Variants in KRT79 observed in about 807,000 individuals in gnomAD.
KRT79 encodes the protein keratin 79.
Under a neutral mutation model 49.0 loss-of-function variants are expected in KRT79, and 51 were observed. That is an observed-to-expected ratio of 1.04 (90% confidence interval 0.83 to 1.31). The LOEUF (loss-of-function observed/expected upper bound fraction) is 1.31, where lower values mean the gene tolerates loss of function less well. Ranked by LOEUF, KRT79 falls within the 40% of genes most tolerant of loss-of-function variation. The pLI is 0.00. For missense variants in KRT79, 728 were observed against 688.0 expected, an observed-to-expected ratio of 1.06 and a Z score of -0.65; for synonymous variants, 312 against 286.6, an observed-to-expected ratio of 1.09 and a Z score of -0.90.
Position 52,821,650 on chromosome 12 carries a change from A to T in KRT79, c.*222T>A. The T allele has an allele frequency of 1.8e-6, 1 of 559,166 alleles. No homozygotes were observed. The highest frequency in any genetic ancestry group is 3.2e-6 in the Non-Finnish European group (1 of 311,202). The allele number at this position is 559,166 out of a possible 1,614,324, so 34.6% of individuals were successfully genotyped here. A position where few individuals can be genotyped will look rare whatever the true frequency, so the allele number is the denominator to read the frequency against. ...CCCAAGTCACCCAAGCACATCACTC[A>T]AGCTGGCAACTTTAACCTTCCCTCC... On this transcript the variant is annotated 3_prime_UTR_variant, in exon 9 of 9. Transcript: ENST00000330553.
intron 6 of KRT79, among the ~76,000 whole-genome samples, chr12:52,823,560 C>G (rs746181170): frequency 6.6e-6 from 1 of 152,176 alleles, no homozygotes; most frequent in Non-Finnish European, 1.5e-5. Context: ...ACTTTTTAGC[C>G]GTTCTAAAGG....
chr12:52,831,346 G>A lies in KRT79; in HGVS notation c.698+60C>T, dbSNP rs1269288236. On this transcript the variant is annotated intron_variant, in intron 2 of 8. Coordinates refer to ENST00000330553, the MANE Select transcript of KRT79 (RefSeq NM_175834.3). ...CCCTGGGAATGGGGTGGCCCTCTTG[G>A]CAGGTTTCCCACTGCCCCTCCTCAC... 2.6e-6 allele frequency: 4 copies of A among 1,519,352 alleles called. No individual in the cohort carries two copies. The Admixed American group carries it at 5.0e-5, about 19-fold the overall frequency. 94.1% of individuals were successfully genotyped at this position (1,519,352 alleles called of 1,614,324 possible).
chr12:52,831,385 C>T lies in KRT79; in HGVS notation c.698+21G>A, dbSNP rs754267898. ...GCCCCTCCTCACTCCCACATGGCCC[C>T]GCCTGGCCTGCTCTCCTCACTTGTT... On this transcript the variant is annotated intron_variant, in intron 2 of 8. Coordinates refer to ENST00000330553, the MANE Select transcript of KRT79 (RefSeq NM_175834.3). 194 of 1,611,364 alleles carry T rather than the reference C, an allele frequency of 1.2e-4. 1 individual carries two copies. The highest frequency in any genetic ancestry group is 4.9e-4 in the Middle Eastern group (3 of 6,068).
chr12:52,822,902 G>A, intron 7 of KRT79, 114 bp downstream of exon 7: 1 of 1,037,734 alleles, frequency 9.6e-7, no homozygotes, highest in Non-Finnish European at 1.4e-6. Context: ...GCGTGAGTCA[G>A]GATCTTGCTC....
At chr12:52,832,098 C>T (rs1940264625) in intron 1 of KRT79, among the ~76,000 whole-genome samples, 1 of 152,092 alleles carries the variant, frequency 6.6e-6, no homozygotes, top group Admixed American at 6.6e-5. Flanking sequence ...GCAAGACTGT[C>T]TCCACTAAAA....
Position 52,833,817 on chromosome 12 carries a change from G to T in KRT79, c.444C>A (p.Thr148=), listed in dbSNP as rs1472734317. The change falls in exon 1 of 9, where the codon ACC becomes ACA. Residue 148 remains threonine, a synonymous_variant. Coordinates refer to ENST00000330553, the MANE Select transcript of KRT79 (RefSeq NM_175834.3). ...TGAAGGAGGCGAACTTGTTGTTGAG[G>T]GTCTTGATCTGCTCCCGCTCCTGAG... ...VRTQEREQIK[T]LNNKFASFID... 1.2e-6 allele frequency: 2 copies of T among 1,613,756 alleles called. No individual in the cohort carries two copies. The highest frequency in any genetic ancestry group is 1.7e-6 in the Non-Finnish European group (2 of 1,179,988).
Position 52,823,197 on chromosome 12 carries a change from G to A in KRT79, c.1186C>T (p.Arg396Cys), listed in dbSNP as rs777338487. ...GCATCCTTGAGTGCCAGCTCCCCAC[G>A]CTGCTCCGCTTCCGCAATGGCCGTC... ...LQTAIAEAEQ[R>C]GELALKDAQK... The change falls in exon 7 of 9, where the codon CGT becomes TGT. Residue 396 changes from arginine to cysteine, a missense_variant. By Grantham distance (180) the Arg-to-Cys change is radical. Coordinates refer to ENST00000330553, the MANE Select transcript of KRT79 (RefSeq NM_175834.3). 13 of 1,614,056 alleles carry A rather than the reference G, an allele frequency of 8.1e-6. No homozygotes were observed. Among genetic ancestry groups the A allele is most frequent in the East Asian group, 4.5e-5 (2 of 44,896 alleles).
chr12:52,826,425 A>C (rs1940176564), intron 4 of KRT79, among the ~76,000 whole-genome samples: 2 of 150,750 alleles, frequency 1.3e-5, no homozygotes, highest in South Asian at 4.2e-4. Flanking sequence ...AGGTGGGAGG[A>C]TCGCTTGAGC....
Position 52,824,286 on chromosome 12 carries a change from A to C in KRT79, c.932T>G (p.Leu311Arg). The C allele has an allele frequency of 6.2e-7, 1 of 1,614,210 alleles. No individual in the cohort carries two copies. The highest frequency in any genetic ancestry group is 1.1e-5 in the South Asian group (1 of 91,084). Residue 311 changes from leucine to arginine, a missense_variant, in exon 5 of 9, where the codon CTG (leucine) becomes CGG (arginine). Transcript: ENST00000330553. ...CTTGACCTCGGCGATGATGCTGTCCAGGTCCAGGTTGCGGTTGTTGTCCAT... is the reference window on the plus strand; with the variant it reads ...CTTGACCTCGGCGATGATGCTGTCCCGGTCCAGGTTGCGGTTGTTGTCCAT... Reference protein sequence around the residue: ...LSMDNNRNLDLDSIIAEVKAQ... With the variant: ...LSMDNNRNLDRDSIIAEVKAQ...
At chr12:52,824,663 A>G (rs1463395759) in intron 4 of KRT79, among the ~76,000 whole-genome samples, 2 of 152,184 alleles carry the variant, frequency 1.3e-5, no homozygotes, top group Non-Finnish European at 1.5e-5. Context: ...CTGTGCTAGC[A>G]CATTCACTAA....
rs1420218665 is a variant in KRT79 at position 52,833,947 on chromosome 12, A to C, written c.314T>G (p.Phe105Cys). ...FMGQGAGRQT[F>C]GPACPPGGIQ... ...CCCCCCAGGAGGACAAGCAGGCCCAAACGTCTGCCTGCCAGCCCCCTGTCC... is the reference window on the plus strand; with the variant it reads ...CCCCCCAGGAGGACAAGCAGGCCCACACGTCTGCCTGCCAGCCCCCTGTCC... The change falls in exon 1 of 9, where the codon TTT becomes TGT. Residue 105 changes from phenylalanine (F) to cysteine (C), a missense_variant. Coordinates refer to ENST00000330553, the MANE Select transcript of KRT79 (RefSeq NM_175834.3). The C allele has an allele frequency of 8.7e-6, 14 of 1,613,108 alleles. No homozygotes were observed. Among genetic ancestry groups the C allele is most frequent in the Non-Finnish European group, 1.2e-5 (14 of 1,179,558 alleles).
At position 52,833,848 on chromosome 12, in the gene KRT79, A is replaced by G. The variant is rs756722649; in HGVS notation, c.413T>C (p.Val138Ala). 3 of 1,610,294 alleles carry G rather than the reference A, an allele frequency of 1.9e-6. No homozygotes were observed. The highest frequency in any genetic ancestry group is 3.4e-5 in the Admixed American group (2 of 59,662). Residue 138 changes from valine (V) to alanine (A), a missense_variant, in exon 1 of 9, where the codon GTG (valine) becomes GCG (alanine). By Grantham distance (64) the Val-to-Ala change is moderately conservative. Transcript: ENST00000330553. The part of the protein sequence containing the change: ...HVEIDPEIQR[V>A]RTQEREQIKT... ...GATCTGCTCCCGCTCCTGAGTGCGCACTCGCTGGATCTCGGGGTCAATCTC... is the reference window on the plus strand; with the variant it reads ...GATCTGCTCCCGCTCCTGAGTGCGCGCTCGCTGGATCTCGGGGTCAATCTC...
chr12:52,829,166 GTC>G (rs1444322569), intron 4 of KRT79, among the ~76,000 whole-genome samples: 1 of 152,206 alleles, frequency 6.6e-6, no homozygotes, highest in Non-Finnish European at 1.5e-5. Context: ...GACCCTAAGA[GTC>G]TGTGATTCTG....
At position 52,831,689 on chromosome 12, in the gene KRT79, G is replaced by A. The variant is rs998053790; in HGVS notation, c.478-63C>T. The stretch of plus-strand genomic sequence containing the variant: ...CCGGTCACCAGAGGAGCCAAGGATG[G>A]GGTCCATTGCCACCTCCCCTCCAAG... On this transcript the variant is annotated intron_variant, in intron 1 of 8. Coordinates refer to ENST00000330553, the MANE Select transcript of KRT79 (RefSeq NM_175834.3). 4 of 1,364,306 alleles carry A rather than the reference G, an allele frequency of 2.9e-6. No individual in the cohort carries two copies. In the African/African-American group the frequency reaches 5.7e-5, roughly 20 times the overall value. 84.5% of individuals were successfully genotyped at this position (1,364,306 alleles called of 1,614,324 possible).
chr12:52,824,127 G>A, intron 5 of KRT79, 71 bp downstream of exon 5: 2 of 1,612,462 alleles, frequency 1.2e-6, no homozygotes, highest in Non-Finnish European at 8.5e-7. Context: ...GGTCCCAGAG[G>A]CCCAAGCCTC....
chr12:52,822,130 G>T (rs1408847231), intron 8 of KRT79, 53 bp from the exon 9 acceptor site: 1 of 1,570,860 alleles, frequency 6.4e-7, no homozygotes, highest in South Asian at 1.1e-5. Flanking sequence ...GAGAGGGCTG[G>T]GGGAGACCCA....
chr12:52,826,308 G>A (rs964484247), intron 4 of KRT79, among the ~76,000 whole-genome samples: 1 of 152,080 alleles, frequency 6.6e-6, no homozygotes, highest in Non-Finnish European at 1.5e-5. Flanking sequence ...CATTTTGGGA[G>A]TTCAAGGCTA....
rs1940291459 is a variant in KRT79 at position 52,833,816 on chromosome 12, G to A, written c.445C>T (p.Leu149Phe). The stretch of plus-strand genomic sequence containing the variant: ...ATGAAGGAGGCGAACTTGTTGTTGA[G>A]GGTCTTGATCTGCTCCCGCTCCTGA... ...RTQEREQIKT[L>F]NNKFASFIDK... The change falls in exon 1 of 9, where the codon CTC becomes TTC. Residue 149 changes from leucine (L) to phenylalanine (F), a missense_variant. Coordinates refer to ENST00000330553, the MANE Select transcript of KRT79 (RefSeq NM_175834.3). 1.2e-6 allele frequency: 2 copies of A among 1,613,822 alleles called. No individual in the cohort carries two copies. The highest frequency in any genetic ancestry group is 2.7e-5 in the African/African-American group (2 of 74,832).
Position 52,821,871 on chromosome 12 carries a change from G to T in KRT79, c.*1C>A, listed in dbSNP as rs747060776. On this transcript the variant is annotated 3_prime_UTR_variant, in exon 9 of 9. Coordinates refer to ENST00000330553, the MANE Select transcript of KRT79 (RefSeq NM_175834.3). ...GCAGGGGCCCTTGCAGGGCTCAGCA[G>T]CTAATACCTCTGGCTGGACGTCTTG... 1.2e-5 allele frequency: 20 copies of T among 1,613,498 alleles called. No individual in the cohort carries two copies. Among genetic ancestry groups the T allele is most frequent in the Non-Finnish European group, 1.5e-5 (18 of 1,179,828 alleles).
Sources: gnomAD v4.1 joint callset for allele counts (sites outside exome capture counted in the v4.1 genomes callset) on GRCh38, gnomAD v4.1.1 for gene constraint, MANE v1.5 for transcripts, NCBI Gene and HGNC (gene_info 2026-07-23, HGNC 2026-07-21) for gene names.